MSRB3: variants seen among roughly 807,000 people sequenced by gnomAD.
MSRB3 encodes methionine-R-sulfoxide reductase B3.
A neutral mutation model predicts 21.0 loss-of-function variants in MSRB3; 13 were observed. The ratio of observed to expected loss-of-function variants is 0.62; its 90% CI spans 0.40 to 0.98. The LOEUF (loss-of-function observed/expected upper bound fraction) is 0.98. MSRB3 is among the 50% of genes least tolerant of loss of function. MSRB3 has a pLI of 0.00. For synonymous variants in MSRB3, 87 were observed against 88.6 expected (o/e 0.98, Z 0.10); for missense variants, 199 against 230.3 (o/e 0.86, Z 0.88).
chr12:65,312,944 G>A (rs1874070313), intron 2 of MSRB3, among the ~76,000 whole-genome samples: 1 of 151,962 alleles, frequency 6.6e-6, no homozygotes, highest in Non-Finnish European at 1.5e-5. Flanking sequence ...GTTTACTTTT[G>A]AATTTATTGT....
chr12:65,392,314 G>C (rs1879524163), intron 5 of MSRB3, among the ~76,000 whole-genome samples: 1 of 152,118 alleles, frequency 6.6e-6, no homozygotes, highest in African/African-American at 2.4e-5. Context: ...AGAAATAGTG[G>C]ATGTCTATTT....
At chr12:65,305,937 A>G (rs1476398258) in intron 1 of MSRB3, among the ~76,000 whole-genome samples, 1 of 152,232 alleles carries the variant, frequency 6.6e-6, no homozygotes, top group Non-Finnish European at 1.5e-5. Context: ...GCATATTTAA[A>G]TAATAATAGC....
chr12:65,290,845 C>T (rs1469969145), intron 1 of MSRB3, among the ~76,000 whole-genome samples: 1 of 152,120 alleles, frequency 6.6e-6, no homozygotes, highest in Non-Finnish European at 1.5e-5. Context: ...ATTTTAAAAT[C>T]AGACATATAT....
At chr12:65,338,026 G>C (rs955693301) in intron 4 of MSRB3, among the ~76,000 whole-genome samples, 1 of 152,070 alleles carries the variant, frequency 6.6e-6, no homozygotes, top group African/African-American at 2.4e-5. Context: ...GCAAATCCTA[G>C]GTACTTGACT....
At chr12:65,297,942 T>C (rs143475172) in intron 1 of MSRB3, among the ~76,000 whole-genome samples, 26 of 152,056 alleles carry the variant, frequency 1.7e-4, no homozygotes, top group Non-Finnish European at 3.4e-4. Flanking sequence ...ATGGTTACAG[T>C]AGAAAGGAAT....
intron 4 of MSRB3, among the ~76,000 whole-genome samples, chr12:65,343,346 A>G (rs1876267596): frequency 6.6e-6 from 1 of 152,044 alleles, no homozygotes; most frequent in South Asian, 2.1e-4. Context: ...AGCCACCGGA[A>G]GCTTAAACTG....
intron 2 of MSRB3, among the ~76,000 whole-genome samples, chr12:65,311,832 C>G (rs978362581): frequency 7.2e-5 from 11 of 152,056 alleles, no homozygotes; most frequent in Middle Eastern, 3.2e-3. Context: ...TTGATTATAA[C>G]TGGATTGACC....
intron 5 of MSRB3, among the ~76,000 whole-genome samples, chr12:65,431,245 C>T (rs1002067875): frequency 1.3e-5 from 2 of 152,026 alleles, no homozygotes; most frequent in Non-Finnish European, 2.9e-5. Flanking sequence ...AGGTTGACTC[C>T]TGTTTTTCAA....
At chr12:65,450,420 G>A (rs919991491) in intron 5 of MSRB3, among the ~76,000 whole-genome samples, 7 of 152,080 alleles carry the variant, frequency 4.6e-5, no homozygotes. Context: ...AGGCATCCTT[G>A]ATAATAATAG....
At chr12:65,399,847 C>T (rs1220423296) in intron 5 of MSRB3, among the ~76,000 whole-genome samples, 3 of 152,150 alleles carry the variant, frequency 2.0e-5, no homozygotes, top group Admixed American at 6.5e-5. Flanking sequence ...TTTTCTGCAT[C>T]TATTGAGATA....
chr12:65,436,902 A>T (rs933199676), intron 5 of MSRB3, among the ~76,000 whole-genome samples: 2 of 151,942 alleles, frequency 1.3e-5, no homozygotes, highest in Non-Finnish European at 2.9e-5. Flanking sequence ...GTGCACAGTA[A>T]AGTGGCCTTG....
intron 5 of MSRB3, among the ~76,000 whole-genome samples, chr12:65,394,793 T>C (rs2136586689): frequency 6.6e-6 from 1 of 152,336 alleles, no homozygotes; most frequent in Admixed American, 6.5e-5. Flanking sequence ...TCTATTAATA[T>C]AATATGCTAC....
chr12:65,303,291 G>A (rs950301911), intron 1 of MSRB3, among the ~76,000 whole-genome samples: 3 of 151,956 alleles, frequency 2.0e-5, no homozygotes, highest in Non-Finnish European at 2.9e-5. Context: ...GTTCAACTAC[G>A]GGGAAAAAAG....
intron 5 of MSRB3, among the ~76,000 whole-genome samples, chr12:65,445,456 A>G (rs1456959434): frequency 1.3e-5 from 2 of 149,848 alleles, no homozygotes; most frequent in South Asian, 4.3e-4. Context: ...ACCACCATTT[A>G]CAACTACTGG....
In MSRB3 at chr12:65,352,235, C is replaced by T. The variant is rs868409815; in HGVS notation, c.264-16763C>T. Among the ~76,000 whole-genome samples, 301 of 152,188 alleles carry T rather than the reference C, an allele frequency of 2.0e-3. 2 individuals carry two copies. Among genetic ancestry groups the T allele is most frequent in the African/African-American group, 7.0e-3 (289 of 41,506 alleles). ...AACCACATAATTATCTCAATAGATG[C>T]AGAAAAAGCCTTTGACAAAATTCAA... On this transcript the variant is annotated intron_variant, in intron 4 of 6. Coordinates refer to ENST00000308259, the MANE Select transcript of MSRB3 (RefSeq NM_001031679.3).
At chr12:65,448,866 T>C (rs1882733106) in intron 5 of MSRB3, among the ~76,000 whole-genome samples, 1 of 152,164 alleles carries the variant, frequency 6.6e-6, no homozygotes. Context: ...GAATGTCTCA[T>C]TATGAGCCAT....
rs750627769 is a variant in MSRB3, at chr12:65,328,511, CT to C, written c.186-14del. ...TGCTAACTTTAATTTTTTAAATGAT[CT>C]GTTTATTTATCAGTGCCTTTGAAGG... On this transcript the variant is annotated splice_polypyrimidine_tract_variant and intron_variant, in intron 3 of 6. Coordinates refer to ENST00000308259, the MANE Select transcript of MSRB3 (RefSeq NM_001031679.3). 1 of 1,550,776 alleles carries C rather than the reference CT, an allele frequency of 6.4e-7. No homozygotes were observed. The highest frequency in any genetic ancestry group is 1.4e-5 in the African/African-American group (1 of 73,634).
chr12:65,431,077 A>G (rs571717132), intron 5 of MSRB3, among the ~76,000 whole-genome samples: 48 of 152,196 alleles, frequency 3.2e-4, no homozygotes, highest in South Asian at 8.3e-4. Flanking sequence ...GGAGATTTTC[A>G]TCTTATGAGT....
intron 5 of MSRB3, among the ~76,000 whole-genome samples, chr12:65,434,975 C>A (rs182628996): frequency 3.3e-5 from 5 of 151,876 alleles, no homozygotes; most frequent in Admixed American, 2.6e-4. Flanking sequence ...GTTATCTACA[C>A]AGAAAATGGT....
Sources: allele counts gnomAD v4.1 joint callset (sites outside exome capture counted in the v4.1 genomes callset), GRCh38; gene constraint gnomAD v4.1.1; transcripts MANE v1.5; gene names NCBI Gene and HGNC (gene_info 2026-07-23, HGNC 2026-07-21).